SAMSN1: variants seen among roughly 807,000 people sequenced by gnomAD.
SAMSN1 encodes the protein SAM domain, SH3 domain and nuclear localization signals 1, also known as SAM domain-containing protein SAMSN-1.
SAMSN1 carries 31 observed loss-of-function variants against 42.0 expected under a neutral mutation model. The ratio of observed to expected loss-of-function variants is 0.74; its 90% CI spans 0.55 to 1.00. SAMSN1 has a LOEUF of 1.00. Among genes scored for constraint, SAMSN1 ranks in the 50% least tolerant of loss-of-function variants. The pLI is 0.00. For synonymous variants in SAMSN1, 178 were observed against 151.9 expected (o/e 1.17, Z -1.26); for missense variants, 464 against 439.4 (o/e 1.06, Z -0.50).
At chr21:14,524,865 G>A (rs1307678981) in intron 1 of SAMSN1, among the ~76,000 whole-genome samples, 1 of 152,056 alleles carries the variant, frequency 6.6e-6, no homozygotes, top group African/African-American at 2.4e-5. Context: ...GCAATATATT[G>A]AAATACATCT....
chr21:14,580,274 A>G (rs1442345795), intron 2 of SAMSN1, among the ~76,000 whole-genome samples: 2 of 152,218 alleles, frequency 1.3e-5, no homozygotes, highest in Non-Finnish European at 2.9e-5. Context: ...GGAAATCAAT[A>G]AGGTGGGGGT....
chr21:14,497,533 G>C (rs955916274), intron 7 of SAMSN1, among the ~76,000 whole-genome samples: 1 of 152,078 alleles, frequency 6.6e-6, no homozygotes, highest in Non-Finnish European at 1.5e-5. Context: ...CGGAGGTCGC[G>C]GTGAGCCGAG....
intron 1 of SAMSN1, among the ~76,000 whole-genome samples, chr21:14,644,496 G>A (rs1206425624): frequency 1.3e-5 from 2 of 152,112 alleles, no homozygotes; most frequent in Non-Finnish European, 2.9e-5. Context: ...AAGAGCCCTT[G>A]GGCCCTGAAT....
At chr21:14,563,400 ATAT>A (rs1486875897) in intron 2 of SAMSN1, among the ~76,000 whole-genome samples, 2 of 152,220 alleles carry the variant, frequency 1.3e-5, no homozygotes, top group Non-Finnish European at 2.9e-5. Context: ...TTACACAATG[ATAT>A]TATTAAATTA....
At chr21:14,608,363 A>G (rs1334351138) in intron 5 of SAMSN1, among the ~76,000 whole-genome samples, 2 of 152,200 alleles carry the variant, frequency 1.3e-5, no homozygotes, top group African/African-American at 4.8e-5. Flanking sequence ...TGTTTCTCAC[A>G]GTGGAAAGCA....
intron 1 of SAMSN1, among the ~76,000 whole-genome samples, chr21:14,643,438 G>C (rs188060555): frequency 3.9e-5 from 6 of 152,264 alleles, no homozygotes; most frequent in Non-Finnish European, 4.4e-5. Flanking sequence ...AAGACATTAA[G>C]CTCAAAAAAC....
chr21:14,502,938 G>C (rs901955307), intron 5 of SAMSN1, among the ~76,000 whole-genome samples: 1 of 152,200 alleles, frequency 6.6e-6, no homozygotes, highest in Non-Finnish European at 1.5e-5. Flanking sequence ...TAACAATATA[G>C]AAAATTCATA....
intron 1 of SAMSN1, among the ~76,000 whole-genome samples, chr21:14,544,940 A>G (rs1980291008): frequency 2.0e-5 from 3 of 152,114 alleles, no homozygotes; most frequent in Admixed American, 1.3e-4. Context: ...TAATCAAGTA[A>G]ATATCATATA....
At chr21:14,549,511 T>A (rs1980531483), upstream of SAMSN1, among the ~76,000 whole-genome samples, 3 of 152,100 alleles carry the variant, frequency 2.0e-5, no homozygotes. Context: ...TATTGCTGGG[T>A]CAACCATGAC....
chr21:14,633,592 T>C (rs920633260), intron 2 of SAMSN1, among the ~76,000 whole-genome samples: 2 of 152,244 alleles, frequency 1.3e-5, no homozygotes, highest in Admixed American at 6.5e-5. Context: ...TGGAGAATTA[T>C]GCCTGGTGGC....
Position 14,596,398 on chromosome 21 carries a change from T to C in SAMSN1, c.400-2320A>G, listed in dbSNP as rs140918075. 3.5e-4 allele frequency among the ~76,000 whole-genome samples: 53 copies of C among 152,278 alleles called. 2 individuals are homozygous for C. The East Asian group carries it at 0.01, about 29-fold the overall frequency. ...AACTTCTCTGTCTATAACCTCAAAA[T>C]ACTATTAGGTAGTTCTAGTGGTTTT... On this transcript the variant is annotated intron_variant, in intron 6 of 15. Transcript: ENST00000647101.
intron 5 of SAMSN1, among the ~76,000 whole-genome samples, chr21:14,505,690 T>G (rs911101554): frequency 3.3e-5 from 5 of 152,108 alleles, no homozygotes; most frequent in African/African-American, 1.2e-4. Context: ...AGACAGGTGA[T>G]CAAGACAGAA....
chr21:14,555,251 A>G (rs890155474), intron 2 of SAMSN1, among the ~76,000 whole-genome samples: 2 of 152,086 alleles, frequency 1.3e-5, no homozygotes, highest in Non-Finnish European at 2.9e-5. Flanking sequence ...ACCTTTTATT[A>G]TCCAAAACAT....
At chr21:14,486,363 ATG>A in intron 7 of SAMSN1, among the ~76,000 whole-genome samples, 1 of 152,294 alleles carries the variant, frequency 6.6e-6, no homozygotes, top group Non-Finnish European at 1.5e-5. Flanking sequence ...CATGGAATTC[ATG>A]TGAACTTCCC....
intron 2 of SAMSN1, among the ~76,000 whole-genome samples, chr21:14,570,464 G>A (rs1175815050): frequency 6.6e-6 from 1 of 152,148 alleles, no homozygotes; most frequent in African/African-American, 2.4e-5. Context: ...CCACTATGGT[G>A]GCTATGAGTT....
chr21:14,587,772 A>T (rs1484738349), upstream of SAMSN1, among the ~76,000 whole-genome samples: 9 of 138,096 alleles, frequency 6.5e-5, no homozygotes, highest in East Asian at 4.2e-4. Flanking sequence ...TATTTTTTAA[A>T]TTTTTTTTAT....
chr21:14,622,955 G>A (rs1283778569), intron 2 of SAMSN1, among the ~76,000 whole-genome samples: 1 of 152,168 alleles, frequency 6.6e-6, no homozygotes, highest in East Asian at 1.9e-4. Flanking sequence ...AAGAGAGTGG[G>A]GGCCAATATT....
chr21:14,623,019 C>A (rs566890018), intron 2 of SAMSN1, among the ~76,000 whole-genome samples: 9 of 152,160 alleles, frequency 5.9e-5, no homozygotes, highest in Non-Finnish European at 1.2e-4. Context: ...CCAGTCAAAC[C>A]AAGCTTTATA....
At chr21:14,647,055 AAGTC>A (rs1983728181) in intron 1 of SAMSN1, among the ~76,000 whole-genome samples, 1 of 152,358 alleles carries the variant, frequency 6.6e-6, no homozygotes, top group African/African-American at 2.4e-5. Context: ...TGGCAAGAGT[AAGTC>A]CTTAATTATC....
Sources: allele counts gnomAD v4.1 joint callset (sites outside exome capture counted in the v4.1 genomes callset), GRCh38; gene constraint gnomAD v4.1.1; transcripts MANE v1.5; gene names NCBI Gene and HGNC (gene_info 2026-07-23, HGNC 2026-07-21).